The following COL20A1 variants were observed in gnomAD, a reference collection of about 807,000 sequenced individuals.
COL20A1 encodes the protein collagen alpha-1(XX) chain.
A neutral mutation model predicts 152.9 loss-of-function variants in COL20A1; 164 were observed. The observed-to-expected ratio is 1.07, with a 90% CI of 0.94 to 1.22. The LOEUF is 1.22. COL20A1 is among the 50% of genes most tolerant of loss of function. The probability of loss-of-function intolerance (pLI) is 0.00; values close to 1 mark genes in which losing one functional copy is unlikely to be tolerated. For synonymous variants in COL20A1, 864 were observed against 756.0 expected (o/e 1.14, Z -2.34); for missense variants, 1,873 against 1,744.8 (o/e 1.07, Z -1.31).
rs1441440487 is a variant in COL20A1, at chr20:63,305,188, G to A, written c.194-229G>A. Among the ~76,000 whole-genome samples the A allele has an allele frequency of 1.3e-5, 2 of 152,036 alleles. No homozygotes were observed. The highest frequency in any genetic ancestry group is 4.8e-5 in the African/African-American group (2 of 41,350). On this transcript the variant is annotated intron_variant, in intron 3 of 35. Coordinates refer to ENST00000358894, the MANE Select transcript of COL20A1 (RefSeq NM_020882.4). The surrounding 1 kb of genome is among the most constrained non-coding windows in gnomAD (Gnocchi z 4.9). ...CCATGCGGCGGATTCCTCTAGGGGGGTTTAGTAAGTGACATCTTCTTTTCA... is the reference window on the plus strand; with the variant it reads ...CCATGCGGCGGATTCCTCTAGGGGGATTTAGTAAGTGACATCTTCTTTTCA...
Position 63,312,820 on chromosome 20 carries a change from C to A in COL20A1, c.1962C>A (p.Ser654=). Residue 654 remains serine, a synonymous_variant, in exon 16 of 36, where the codon TCC becomes TCA. Transcript: ENST00000358894. ...TKKAPSPSQL[S]MTELPGDAVQ... Reference sequence around the variant, plus strand: ...AAGCTCCCAGCCCAAGCCAGCTGTCCATGACGGAGCTGCCAGGGGATGCAG... The same window carrying A: ...AAGCTCCCAGCCCAAGCCAGCTGTCAATGACGGAGCTGCCAGGGGATGCAG... 6.4e-7 allele frequency: 1 copy of A among 1,562,468 alleles called. No individual in the cohort carries two copies. Among genetic ancestry groups the A allele is most frequent in the Non-Finnish European group, 8.7e-7 (1 of 1,153,054 alleles).
chr20:63,309,538 G>C, intron 9 of COL20A1, 41 bp downstream of exon 9: 1 of 1,450,034 alleles, frequency 6.9e-7, no homozygotes, highest in Non-Finnish European at 9.1e-7. Context: ...AGCCCCCCCG[G>C]CTGCTTTGGG....
At chr20:63,316,427 G>C in intron 20 of COL20A1, 126 bp from the exon 21 acceptor site, 1 of 157,014 alleles carries the variant, frequency 6.4e-6, no homozygotes. Context: ...ACGCCGCTCC[G>C]TCACCCCTCC....
chr20:63,307,393 C>A, intron 5 of COL20A1, 97 bp from the exon 6 acceptor site: 1 of 1,211,730 alleles, frequency 8.3e-7, no homozygotes, highest in Non-Finnish European at 1.2e-6. Flanking sequence ...GCCCAGCCTG[C>A]CTCACTCTTG....
At position 63,312,772 on chromosome 20, in the gene COL20A1, T is replaced by A; in HGVS notation, c.1934-20T>A. 1 of 1,531,976 alleles carries A rather than the reference T, an allele frequency of 6.5e-7. No homozygotes were observed. The highest frequency in any genetic ancestry group is 2.0e-5 in the Admixed American group (1 of 51,276). The allele number at this position is 1,531,976 out of a possible 1,614,324, so 94.9% of individuals were successfully genotyped here. The stretch of plus-strand genomic sequence containing the variant: ...AGGCTCAGGGGCTACACCCCCAGCC[T>A]GTGTCTCCACTTCCTTCAGAGAAAG... On this transcript the variant is annotated intron_variant, in intron 15 of 35. Transcript: ENST00000358894.
At chr20:63,308,143 C>T (rs2067954707) in intron 7 of COL20A1, 53 bp downstream of exon 7, 4 of 1,583,546 alleles carry the variant, frequency 2.5e-6, no homozygotes, top group East Asian at 2.2e-5. Flanking sequence ...CTCCTTCTGC[C>T]GCCCTCCCAG....
At chr20:63,295,220 C>T (rs1256095938) in intron 2 of COL20A1, 31 bp downstream of exon 2, 25 of 1,479,928 alleles carry the variant, frequency 1.7e-5, no homozygotes, top group Admixed American at 6.0e-5. Flanking sequence ...CCCCTGCTTG[C>T]CCCGAGGCCA....
intron 3 of COL20A1, among the ~76,000 whole-genome samples, chr20:63,302,796 C>CT (rs927150268): frequency 1.1e-4 from 17 of 152,262 alleles, no homozygotes; most frequent in Non-Finnish European, 2.2e-4. Context: ...GAACTTCCCA[C>CT]TTTCTTCTCT....
chr20:63,314,943 C>T (rs1400169733), intron 19 of COL20A1, among the ~76,000 whole-genome samples: 1 of 149,728 alleles, frequency 6.7e-6, no homozygotes, highest in Non-Finnish European at 1.5e-5. Context: ...CCTCTCCTCA[C>T]ACCAGGCATC....
In COL20A1 at chr20:63,319,122, G is replaced by T. The variant is rs374617184; in HGVS notation, c.2728G>T (p.Glu910Ter). The change falls in exon 22 of 36, where the codon GAG (glutamate) becomes TAG (stop). Residue 910 changes from glutamate (E) to a stop codon, truncating the protein, a stop_gained. Coordinates refer to ENST00000358894, the MANE Select transcript of COL20A1 (RefSeq NM_020882.4). LOFTEE classifies it high-confidence loss of function. The surrounding 1 kb of genome is among the most constrained non-coding windows in gnomAD (Gnocchi z 4.4). ...CGTCTTCCTTGTGCGCCTACTTCCC[G>T]AGACACCCCGTGAGGCCTTCGCGCT... ...TIVFLVRLLP[E>*]TPREAFALWQ... The T allele has an allele frequency of 2.5e-6, 4 of 1,611,290 alleles. No homozygotes were observed. Among genetic ancestry groups the T allele is most frequent in the Non-Finnish European group, 3.4e-6 (4 of 1,179,432 alleles).
chr20:63,297,902 T>C lies in COL20A1; in HGVS notation c.83-8T>C, dbSNP rs760126344. 2.9e-5 allele frequency: 46 copies of C among 1,611,472 alleles called. 1 individual carries two copies. In the Admixed American group the frequency reaches 7.3e-4, roughly 26 times the overall value. On this transcript the variant is annotated splice_region_variant and splice_polypyrimidine_tract_variant and intron_variant, in intron 2 of 35. Coordinates refer to ENST00000358894, the MANE Select transcript of COL20A1 (RefSeq NM_020882.4). ...GTCAGTCCTGACCACTATGTCCTGT[T>C]TCTGTAGCAAGCGGTCTCCTGAGGC... is the stretch of plus-strand genomic sequence containing the variant.
Position 63,327,997 on chromosome 20 carries a change from G to A in COL20A1, c.3564+10G>A. 1 of 1,610,336 alleles carries A rather than the reference G, an allele frequency of 6.2e-7. No homozygotes were observed. The highest frequency in any genetic ancestry group is 8.5e-7 in the Non-Finnish European group (1 of 1,178,362). On this transcript the variant is annotated intron_variant, in intron 32 of 35. Transcript: ENST00000358894. ...GGAACGAGGAGAGAAGGTAAGTGAG[G>A]CTGAGATCTTTGGCTCACTTGGGAT...
rs200736608 is a variant in COL20A1 at position 63,307,541 on chromosome 20, T to C, written c.548T>C (p.Leu183Pro). 4 of 1,612,524 alleles carry C rather than the reference T, an allele frequency of 2.5e-6. No individual in the cohort carries two copies. The highest frequency in any genetic ancestry group is 3.4e-6 in the Non-Finnish European group (4 of 1,179,640). Residue 183 changes from leucine to proline, a missense_variant, in exon 6 of 36, where the codon CTG becomes CCG. Physicochemically the swap from Leu to Pro is moderately conservative, Grantham distance 98. Transcript: ENST00000358894. ...CCCGTGCCTGCTGACATGGTCTTCCTGGTGGACGGGTCCTGGAGCATTGGC... is the reference window on the plus strand; with the variant it reads ...CCCGTGCCTGCTGACATGGTCTTCCCGGTGGACGGGTCCTGGAGCATTGGC... ...LPPVPADMVF[L>P]VDGSWSIGHS...
chr20:63,304,136 C>T (rs2067892922), intron 3 of COL20A1, among the ~76,000 whole-genome samples: 1 of 147,510 alleles, frequency 6.8e-6, no homozygotes, highest in Non-Finnish European at 1.5e-5. Context: ...TCCTCTTCTC[C>T]CTCCAGGTGT....
In COL20A1 at chr20:63,313,240, T is replaced by C; in HGVS notation, c.2200T>C (p.Tyr734His). 6.2e-7 allele frequency: 1 copy of C among 1,609,934 alleles called. No homozygotes were observed. Among genetic ancestry groups the C allele is most frequent in the Non-Finnish European group, 8.5e-7 (1 of 1,177,940 alleles). The change falls in exon 17 of 36, where the codon TAT (tyrosine) becomes CAT (histidine). Residue 734 changes from tyrosine (Y) to histidine (H), a missense_variant. Coordinates refer to ENST00000358894, the MANE Select transcript of COL20A1 (RefSeq NM_020882.4). This position sits in a 1 kb window ranked among gnomAD's most constrained non-coding sequence, Gnocchi z 5.9. ...GARSDPVSLRYTPSTVSRSPP... is the reference protein window; with the variant it reads ...GARSDPVSLRHTPSTVSRSPP... ...CCGCAGTGACCCTGTGTCCCTCCGC[T>C]ATACCCCCTGTAGGTGCCCCTCCAC... is the stretch of plus-strand genomic sequence containing the variant.
chr20:63,320,032 C>T lies in COL20A1; in HGVS notation c.2917-7C>T. The T allele has an allele frequency of 1.3e-6, 2 of 1,552,252 alleles. No homozygotes were observed. Among genetic ancestry groups the T allele is most frequent in the Non-Finnish European group, 1.7e-6 (2 of 1,148,596 alleles). ...GGCTGTGGAGAACCTCCCGTGCCGTCTCACAGGTGCACGTGGCTGTGGGCC... is the reference window on the plus strand; with the variant it reads ...GGCTGTGGAGAACCTCCCGTGCCGTTTCACAGGTGCACGTGGCTGTGGGCC... On this transcript the variant is annotated splice_polypyrimidine_tract_variant and splice_region_variant and intron_variant, in intron 23 of 35. Coordinates refer to ENST00000358894, the MANE Select transcript of COL20A1 (RefSeq NM_020882.4).
At chr20:63,327,792 A>T (rs956106912) in intron 31 of COL20A1, 160 bp from the exon 32 acceptor site, 1 of 712,126 alleles carries the variant, frequency 1.4e-6, no homozygotes, top group African/African-American at 1.8e-5. Flanking sequence ...GGCGAGGACC[A>T]CAGGCTCCTA....
intron 20 of COL20A1, among the ~76,000 whole-genome samples, chr20:63,316,184 G>C (rs1238085883): frequency 6.6e-6 from 1 of 152,108 alleles, no homozygotes; most frequent in Non-Finnish European, 1.5e-5. Context: ...CTTGCTGGGG[G>C]GCAGGGGCGA....
chr20:63,307,473 C>T lies in COL20A1; in HGVS notation c.497-17C>T, dbSNP rs560623810. 5.0e-5 allele frequency: 80 copies of T among 1,606,348 alleles called. No individual in the cohort carries two copies. The highest frequency in any genetic ancestry group is 1.8e-4 in the Admixed American group (11 of 59,810). The stretch of plus-strand genomic sequence containing the variant: ...GATGGGCCTCACCTAGCACCTGACC[C>T]GCTCCCACCGCCCCAGCCGGCCCCC... On this transcript the variant is annotated splice_polypyrimidine_tract_variant and intron_variant, in intron 5 of 35. Transcript: ENST00000358894.
Sources: gnomAD v4.1 joint callset for allele counts (sites outside exome capture counted in the v4.1 genomes callset) on GRCh38, gnomAD v4.1.1 for gene constraint, Gnocchi (gnomAD v3.1) non-coding constraint, MANE v1.5 for transcripts, NCBI Gene and HGNC (gene_info 2026-07-23, HGNC 2026-07-21) for gene names.